Variants in CNTNAP2 observed in about 807,000 individuals in gnomAD.
The protein encoded by CNTNAP2 is contactin-associated protein-like 2.
CNTNAP2 carries 98 observed loss-of-function variants against 155.2 expected under a neutral mutation model. That is an observed-to-expected ratio of 0.63 (90% CI 0.54 to 0.75). CNTNAP2 has a LOEUF of 0.75. CNTNAP2 is among the 30% of genes least tolerant of loss of function. The pLI is 0.00. For missense variants in CNTNAP2, 1,727 were observed against 1,688.1 expected (o/e 1.02, Z -0.40); for synonymous variants, 651 against 631.2 (o/e 1.03, Z -0.47).
At chr7:147,665,230 A>T (rs963765542) in intron 13 of CNTNAP2, among the ~76,000 whole-genome samples, 1 of 152,144 alleles carries the variant, frequency 6.6e-6, no homozygotes, top group Non-Finnish European at 1.5e-5. Flanking sequence ...AGAGTATTAG[A>T]TATACTGTTT....
At chr7:146,160,628 T>C (rs1055665210) in intron 1 of CNTNAP2, among the ~76,000 whole-genome samples, 2 of 152,128 alleles carry the variant, frequency 1.3e-5, no homozygotes, top group Non-Finnish European at 2.9e-5. Context: ...CCTGGACACA[T>C]ATACCCTCCC....
chr7:148,332,666 G>A (rs373013325), intron 21 of CNTNAP2, among the ~76,000 whole-genome samples: 9 of 152,254 alleles, frequency 5.9e-5, no homozygotes, highest in Non-Finnish European at 1.2e-4. Context: ...ACACATTATC[G>A]TCAGTCAGAC....
chr7:147,796,908 T>C (rs947657739), intron 13 of CNTNAP2, among the ~76,000 whole-genome samples: 5 of 152,196 alleles, frequency 3.3e-5, no homozygotes, highest in African/African-American at 7.2e-5. Context: ...GTCTCATTCA[T>C]TCTCTTTATT....
chr7:147,874,132 A>G (rs957315556), intron 13 of CNTNAP2, among the ~76,000 whole-genome samples: 3 of 152,042 alleles, frequency 2.0e-5, no homozygotes, highest in African/African-American at 7.2e-5. Context: ...TTCCAGGCTC[A>G]CGGTGCAAGC....
At chr7:147,035,965 A>G (rs1799145465) in intron 3 of CNTNAP2, among the ~76,000 whole-genome samples, 1 of 152,214 alleles carries the variant, frequency 6.6e-6, no homozygotes, top group Non-Finnish European at 1.5e-5. Context: ...AAGTGATTAC[A>G]AAATACTTTT....
intron 13 of CNTNAP2, among the ~76,000 whole-genome samples, chr7:147,690,949 A>G (rs1001322389): frequency 6.6e-6 from 1 of 152,082 alleles, no homozygotes; most frequent in African/African-American, 2.4e-5. Context: ...CAGCTTTTCT[A>G]GCAGTTATCT....
At chr7:148,367,153 C>T (rs1210094769) in intron 21 of CNTNAP2, among the ~76,000 whole-genome samples, 1 of 151,934 alleles carries the variant, frequency 6.6e-6, no homozygotes, top group Non-Finnish European at 1.5e-5. Context: ...ATCGATTGAA[C>T]CTGGGAAGCA....
chr7:148,140,865 A>G (rs1017265254), intron 16 of CNTNAP2, among the ~76,000 whole-genome samples: 5 of 152,370 alleles, frequency 3.3e-5, no homozygotes, highest in Middle Eastern at 3.4e-3. Flanking sequence ...TACCTTCCCA[A>G]AGCCAAAGGC....
intron 13 of CNTNAP2, among the ~76,000 whole-genome samples, chr7:147,850,402 A>T (rs1798912622): frequency 6.6e-6 from 1 of 152,236 alleles, no homozygotes; most frequent in Admixed American, 6.5e-5. Context: ...TCTTCACAGA[A>T]TTGGAAAAAA....
At chr7:148,093,566 T>G (rs1170678093) in intron 15 of CNTNAP2, among the ~76,000 whole-genome samples, 1 of 152,156 alleles carries the variant, frequency 6.6e-6, no homozygotes, top group Non-Finnish European at 1.5e-5. Flanking sequence ...AAACATGACG[T>G]CAGGAAGCTG....
chr7:147,270,552 A>G (rs1049133340), intron 8 of CNTNAP2, among the ~76,000 whole-genome samples: 1 of 152,190 alleles, frequency 6.6e-6, no homozygotes, highest in Admixed American at 6.5e-5. Flanking sequence ...TATTTGAGCA[A>G]TGACTCTTAG....
chr7:146,987,384 T>A (rs1165386298), intron 3 of CNTNAP2, among the ~76,000 whole-genome samples: 2 of 152,156 alleles, frequency 1.3e-5, no homozygotes, highest in Non-Finnish European at 2.9e-5. Context: ...ATAATGCACC[T>A]GTATTTTTGT....
At chr7:146,893,952 T>G (rs1008169003) in intron 3 of CNTNAP2, among the ~76,000 whole-genome samples, 1 of 152,170 alleles carries the variant, frequency 6.6e-6, no homozygotes, top group Non-Finnish European at 1.5e-5. Context: ...GAGAGTAATA[T>G]TCTGGCTATC....
intron 18 of CNTNAP2, among the ~76,000 whole-genome samples, chr7:148,174,221 T>C (rs367702991): frequency 1.3e-5 from 2 of 152,250 alleles, no homozygotes; most frequent in Non-Finnish European, 2.9e-5. Context: ...ATGAGCATCC[T>C]TCTGAGTCAA....
intron 21 of CNTNAP2, among the ~76,000 whole-genome samples, chr7:148,340,504 C>G (rs1034260498): frequency 6.6e-6 from 1 of 152,172 alleles, no homozygotes; most frequent in African/African-American, 2.4e-5. Context: ...ATATTTCACC[C>G]TCATATTTGG....
At chr7:146,823,822 T>C (rs545321868) in intron 2 of CNTNAP2, among the ~76,000 whole-genome samples, 103 of 152,138 alleles carry the variant, frequency 6.8e-4, no homozygotes, top group African/African-American at 2.4e-3. Context: ...TGAATCAAAA[T>C]GTTGAGATTT....
intron 13 of CNTNAP2, among the ~76,000 whole-genome samples, chr7:147,690,046 C>A (rs1462875257): frequency 6.6e-6 from 1 of 152,108 alleles, no homozygotes; most frequent in African/African-American, 2.4e-5. Context: ...GTCTCCCTTC[C>A]TTCCTTTCTT....
At chr7:148,131,087 CTTT>C (rs755587892) in intron 16 of CNTNAP2, among the ~76,000 whole-genome samples, 1 of 97,180 alleles carries the variant, frequency 1.0e-5, no homozygotes, top group Non-Finnish European at 2.0e-5. Context: ...TTTTCTTCTT[CTTT>C]TTTTTTTTTT....
intron 13 of CNTNAP2, among the ~76,000 whole-genome samples, chr7:147,732,649 A>G (rs1796763240): frequency 6.6e-6 from 1 of 152,188 alleles, no homozygotes; most frequent in Non-Finnish European, 1.5e-5. Flanking sequence ...TTACAGTCCC[A>G]CCAACAGTGT....
Sources: gnomAD v4.1 joint callset for allele counts (sites outside exome capture counted in the v4.1 genomes callset) on GRCh38, gnomAD v4.1.1 for gene constraint, MANE v1.5 for transcripts, NCBI Gene and HGNC (gene_info 2026-07-23, HGNC 2026-07-21) for gene names.